SETDB1: variants seen among roughly 807,000 people sequenced by gnomAD.
SETDB1 encodes the protein histone-lysine N-methyltransferase SETDB1.
A neutral mutation model predicts 137.4 loss-of-function variants in SETDB1; 31 were observed. The observed-to-expected ratio is 0.23, with a 90% confidence interval of 0.17 to 0.30. The LOEUF (loss-of-function observed/expected upper bound fraction) is 0.30. Ranked by LOEUF, SETDB1 falls within the 10% of genes least tolerant of loss-of-function variation. The pLI is 1.00. For missense variants in SETDB1, 1,113 were observed against 1,631.5 expected, an observed-to-expected ratio of 0.68 and a Z score of 5.47; for synonymous variants, 548 against 579.9, an observed-to-expected ratio of 0.95 and a Z score of 0.79.
At chr1:150,962,222 G>A in intron 17 of SETDB1, 64 bp downstream of exon 17, 2 of 1,456,048 alleles carry the variant, frequency 1.4e-6, no homozygotes, top group Non-Finnish European at 1.9e-6. Context: ...AGGCTGGAGT[G>A]CAGTGGCGTA....
rs1294096931 is a variant in SETDB1, at chr1:150,962,704, T to C, written c.3279T>C (p.Ala1093=). The C allele has an allele frequency of 3.1e-6, 5 of 1,614,042 alleles. No homozygotes were observed. The highest frequency in any genetic ancestry group is 4.2e-6 in the Non-Finnish European group (5 of 1,180,026). ...MHQSRRLMAS[A]QSNPDDVLTL... ...AAAGCCGAAGACTCATGGCTTCTGC[T>C]CAGTCCAACCCTGATGTAAGTCACC... The change falls in exon 18 of 22, where the codon GCT becomes GCC. Residue 1093 remains alanine (A), a synonymous_variant. Coordinates refer to ENST00000692827, the MANE Select transcript of SETDB1 (RefSeq NM_001366418.1).
chr1:150,934,820 A>C (rs2102658525), intron 3 of SETDB1, among the ~76,000 whole-genome samples: 1 of 151,580 alleles, frequency 6.6e-6, no homozygotes, highest in East Asian at 1.9e-4. Flanking sequence ...CCCAGGATAT[A>C]GAATTTTTTT....
At chr1:150,961,525 C>T (rs1015340554) in intron 16 of SETDB1, 5 of 298,858 alleles carry the variant, frequency 1.7e-5, no homozygotes, top group African/African-American at 6.7e-5. Flanking sequence ...CGTGGTGGTG[C>T]ATGCCTGTAT....
Position 150,964,254 on chromosome 1 carries a change from C to T in SETDB1, c.3769C>T (p.Arg1257Trp), listed in dbSNP as rs1395729846. 3.1e-6 allele frequency: 5 copies of T among 1,613,510 alleles called. No individual in the cohort carries two copies. Among genetic ancestry groups the T allele is most frequent in the East Asian group, 4.5e-5 (2 of 44,902 alleles). ...CCTTTTCTTCCTCTTCAGAAGAATCCGGGCTGGGACAGAACTTACTTGGGA... is the reference window on the plus strand; with the variant it reads ...CCTTTTCTTCCTCTTCAGAAGAATCTGGGCTGGGACAGAACTTACTTGGGA... Reference protein sequence around the residue: ...WVAFFASKRIRAGTELTWDYN... With the variant: ...WVAFFASKRIWAGTELTWDYN... Residue 1257 changes from arginine (R) to tryptophan (W), a missense_variant, in exon 22 of 22, where the codon CGG (arginine) becomes TGG (tryptophan). Around this residue, in one of 11 missense-constraint regions of SETDB1, gnomAD observed 37 missense variants for 123.2 expected, o/e 0.30. Transcript: ENST00000692827.
intron 2 of SETDB1, 41 bp from the exon 3 acceptor site, chr1:150,929,926 T>C: frequency 6.3e-7 from 1 of 1,575,090 alleles, no homozygotes; most frequent in South Asian, 1.1e-5. Context: ...TCTTAATTCC[T>C]CTACTGGCTT....
chr1:150,926,887 T>A (rs1669541892), intron 1 of SETDB1: 1 of 530,350 alleles, frequency 1.9e-6, no homozygotes, highest in East Asian at 5.4e-5. Flanking sequence ...TTTCGTGTGT[T>A]TGAATATCAT....
At chr1:150,952,943 A>G (rs1670534304) in intron 14 of SETDB1, among the ~76,000 whole-genome samples, 1 of 152,208 alleles carries the variant, frequency 6.6e-6, no homozygotes, top group African/African-American at 2.4e-5. Context: ...CCAAGTAGAA[A>G]TGTCAAGAAG....
intron 14 of SETDB1, 102 bp from the exon 15 acceptor site, chr1:150,959,076 C>A: frequency 1.3e-6 from 1 of 798,718 alleles, no homozygotes; most frequent in Non-Finnish European, 1.9e-6. Flanking sequence ...TTATCCACAA[C>A]ACATTATAAA....
At chr1:150,951,906 C>G (rs959520415) in intron 14 of SETDB1, among the ~76,000 whole-genome samples, 1 of 152,020 alleles carries the variant, frequency 6.6e-6, no homozygotes, top group Admixed American at 6.6e-5. Context: ...CCAGCACTTT[C>G]GGAGGCCAAG....
At chr1:150,951,339 T>C in intron 13 of SETDB1, 26 bp from the exon 14 acceptor site, 1 of 1,502,380 alleles carries the variant, frequency 6.7e-7, no homozygotes, top group South Asian at 1.1e-5. Flanking sequence ...CCCCGCTCCT[T>C]TCCTTTATTT....
intron 14 of SETDB1, among the ~76,000 whole-genome samples, chr1:150,954,617 A>G (rs1037356406): frequency 6.6e-6 from 1 of 152,232 alleles, no homozygotes; most frequent in African/African-American, 2.4e-5. Context: ...CTTCTAGAGA[A>G]GAGAAATAGA....
intron 5 of SETDB1, among the ~76,000 whole-genome samples, chr1:150,942,054 C>T (rs760345343): frequency 1.3e-5 from 2 of 151,538 alleles, no homozygotes; most frequent in East Asian, 1.9e-4. Context: ...GCAGGAGAAT[C>T]GCTTGAACCC....
At chr1:150,929,099 G>A (rs2102629724) in intron 2 of SETDB1, among the ~76,000 whole-genome samples, 1 of 152,246 alleles carries the variant, frequency 6.6e-6, no homozygotes, top group South Asian at 2.1e-4. Flanking sequence ...AATCCTTTGG[G>A]TATATACCCA....
chr1:150,943,851 A>G (rs1339184235), intron 7 of SETDB1, 69 bp from the exon 8 acceptor site: 1 of 975,478 alleles, frequency 1.0e-6, no homozygotes, highest in African/African-American at 1.6e-5. Flanking sequence ...GCTATGATAA[A>G]ATAATTTCTG....
At position 150,945,640 on chromosome 1, in the gene SETDB1, G is replaced by T. The variant is rs1225344009; in HGVS notation, c.1140+532G>T. On this transcript the variant is annotated intron_variant, in intron 9 of 21. Transcript: ENST00000692827. Reference sequence around the variant, plus strand: ...GGCAGTGTGCCCAGAGTAGCCAGAAGAAATTAGAAGTTATATTTCTTCTTG... The same window carrying T: ...GGCAGTGTGCCCAGAGTAGCCAGAATAAATTAGAAGTTATATTTCTTCTTG... Among the ~76,000 whole-genome samples, 3 of 152,166 alleles carry T rather than the reference G, an allele frequency of 2.0e-5. No individual in the cohort carries two copies. In the East Asian group the frequency reaches 5.8e-4, roughly 29 times the overall value.
chr1:150,962,770 G>T, intron 18 of SETDB1, 51 bp downstream of exon 18: 1 of 1,591,330 alleles, frequency 6.3e-7, no homozygotes, highest in South Asian at 1.1e-5. Flanking sequence ...ATGGGCCATT[G>T]TCACCTCATC....
intron 3 of SETDB1, among the ~76,000 whole-genome samples, chr1:150,934,443 A>C (rs1669884977): frequency 6.6e-6 from 1 of 152,148 alleles, no homozygotes; most frequent in Admixed American, 6.6e-5. Flanking sequence ...GCTGCACTCC[A>C]GCCTGGGCGA....
In SETDB1 at chr1:150,960,854, C is replaced by A. The variant is rs368667569; in HGVS notation, c.2795C>A (p.Thr932Asn). 6.2e-7 allele frequency: 1 copy of A among 1,605,176 alleles called. No individual in the cohort carries two copies. The highest frequency in any genetic ancestry group is 8.5e-7 in the Non-Finnish European group (1 of 1,175,454). ...VWRSYATRRQ[T>N]RGQKENGLSE... Reference sequence around the variant, plus strand: ...CGGAGCTATGCTACCCGGAGGCAGACCCGGGGCCAGAAAGAGAACGGACTC... The same window carrying A: ...CGGAGCTATGCTACCCGGAGGCAGAACCGGGGCCAGAAAGAGAACGGACTC... Residue 932 changes from threonine (T) to asparagine (N), a missense_variant, in exon 16 of 22, where the codon ACC becomes AAC. By Grantham distance (65) the Thr-to-Asn change is moderately conservative (BLOSUM62 0). Transcript: ENST00000692827.
intron 3 of SETDB1, among the ~76,000 whole-genome samples, chr1:150,932,366 CCCT>C (rs1669787439): frequency 6.6e-6 from 1 of 151,918 alleles, no homozygotes; most frequent in African/African-American, 2.4e-5. Context: ...GAGAAGTGTT[CCCT>C]CCTCTGAGTT....
Sources: gnomAD v4.1 joint callset for allele counts (sites outside exome capture counted in the v4.1 genomes callset) on GRCh38, gnomAD v4.1.1 for gene constraint, gnomAD v4.1.1 regional missense constraint, MANE v1.5 for transcripts, NCBI Gene and HGNC (gene_info 2026-07-23, HGNC 2026-07-21) for gene names.